The following SYCP2L variants were observed in gnomAD, a reference collection of about 807,000 sequenced individuals.
The protein encoded by SYCP2L is synaptonemal complex protein 2-like.
SYCP2L carries 98 observed loss-of-function variants against 125.8 expected under a neutral mutation model. That is an observed-to-expected ratio of 0.78 (90% CI 0.66 to 0.92). The LOEUF is 0.92. SYCP2L is among the 40% of genes least tolerant of loss of function. The probability of loss-of-function intolerance (pLI) is 0.00; values close to 1 mark genes in which losing one functional copy is unlikely to be tolerated. For missense variants in SYCP2L, 842 were observed against 936.4 expected, an observed-to-expected ratio of 0.90 and a Z score of 1.32; for synonymous variants, 317 against 325.4, an observed-to-expected ratio of 0.97 and a Z score of 0.28.
chr6:10,934,218 G>A (rs1474228463), intron 20 of SYCP2L, among the ~76,000 whole-genome samples: 1 of 152,134 alleles, frequency 6.6e-6, no homozygotes, highest in Non-Finnish European at 1.5e-5. Flanking sequence ...ACTATTATTT[G>A]CAAATGTCTT....
Position 10,910,248 on chromosome 6 carries a change from T to C in SYCP2L, c.872+48T>C, listed in dbSNP as rs1167924064. On this transcript the variant is annotated intron_variant, in intron 11 of 29. Coordinates refer to ENST00000283141, the MANE Select transcript of SYCP2L (RefSeq NM_001040274.3). Reference sequence around the variant, plus strand: ...ATTGACTAGTTGTATTCTGAAAATGTCTAATATTTTAAAAGAACAGTTTAG... The same window carrying C: ...ATTGACTAGTTGTATTCTGAAAATGCCTAATATTTTAAAAGAACAGTTTAG... 5 of 1,539,230 alleles carry C rather than the reference T, an allele frequency of 3.2e-6. No homozygotes were observed. The African/African-American group carries it at 4.1e-5, about 13-fold the overall frequency.
At chr6:10,938,603 A>T (rs1781150054) in intron 21 of SYCP2L, among the ~76,000 whole-genome samples, 2 of 152,236 alleles carry the variant, frequency 1.3e-5, no homozygotes, top group South Asian at 4.1e-4. Context: ...AAATAGGAAG[A>T]TGTTAAATTG....
Position 10,924,612 on chromosome 6 carries a change from T to A in SYCP2L, c.1189T>A (p.Ser397Thr). ...FDLQFNISQVSIQALGEDKQM... is the reference protein window; with the variant it reads ...FDLQFNISQVTIQALGEDKQM... Reference sequence around the variant, plus strand: ...TTTGCAGTTCAACATATCACAAGTTTCCATTCAAGCTTTAGGAGAAGACAA... The same window carrying A: ...TTTGCAGTTCAACATATCACAAGTTACCATTCAAGCTTTAGGAGAAGACAA... The change falls in exon 15 of 30, where the codon TCC becomes ACC. Residue 397 changes from serine to threonine, a missense_variant. Ser to Thr is a moderately conservative substitution (Grantham distance 58). Coordinates refer to ENST00000283141, the MANE Select transcript of SYCP2L (RefSeq NM_001040274.3). 1 of 1,590,588 alleles carries A rather than the reference T, an allele frequency of 6.3e-7. No homozygotes were observed. Among genetic ancestry groups the A allele is most frequent in the Non-Finnish European group, 8.5e-7 (1 of 1,173,130 alleles).
chr6:10,963,092 C>G (rs940191865), intron 28 of SYCP2L, among the ~76,000 whole-genome samples: 5 of 152,228 alleles, frequency 3.3e-5, no homozygotes, highest in Admixed American at 2.0e-4. Context: ...TTAGGCAACT[C>G]TCTCTTCAAA....
chr6:10,968,312 A>C (rs1258332347), intron 29 of SYCP2L, among the ~76,000 whole-genome samples: 3 of 152,238 alleles, frequency 2.0e-5, no homozygotes, highest in Non-Finnish European at 4.4e-5. Flanking sequence ...CGGATGCTTC[A>C]TGACAGTGTT....
At chr6:10,923,665 T>G (rs1780841475) in intron 14 of SYCP2L, among the ~76,000 whole-genome samples, 1 of 124,214 alleles carries the variant, frequency 8.1e-6, no homozygotes, top group African/African-American at 2.9e-5. Context: ...AGACGCAGAC[T>G]TCTTTCTTTT....
intron 23 of SYCP2L, among the ~76,000 whole-genome samples, chr6:10,952,931 A>G (rs1781437218): frequency 6.6e-6 from 1 of 152,200 alleles, no homozygotes; most frequent in Non-Finnish European, 1.5e-5. Context: ...CTCCTATAAG[A>G]TGCCTCTCAC....
rs1002009103 is a variant in SYCP2L, at chr6:10,930,246, A to G, written c.1489-124A>G. On this transcript the variant is annotated intron_variant, in intron 18 of 29. Coordinates refer to ENST00000283141, the MANE Select transcript of SYCP2L (RefSeq NM_001040274.3). ...CCATACTTCTTTGCTTTTATATTAT[A>G]TAAGAGAGCCCAGTCTTCTAGAAGG... 3 of 970,062 alleles carry G rather than the reference A, an allele frequency of 3.1e-6. No homozygotes were observed. The East Asian group carries it at 7.9e-5, about 25-fold the overall frequency. The allele number at this position is 970,062 out of a possible 1,614,324, so 60.1% of individuals were successfully genotyped here.
At chr6:10,939,112 T>C (rs1781165757) in intron 21 of SYCP2L, among the ~76,000 whole-genome samples, 1 of 148,470 alleles carries the variant, frequency 6.7e-6, no homozygotes, top group African/African-American at 2.5e-5. Flanking sequence ...ACAACGAGAC[T>C]CCATCTCAAA....
chr6:10,907,093 C>T lies in SYCP2L; in HGVS notation c.677-449C>T, dbSNP rs9461303. Among the ~76,000 whole-genome samples the T allele has an allele frequency of 6.4e-3, 972 of 151,944 alleles. 4 individuals carry two copies. Among genetic ancestry groups the T allele is most frequent in the African/African-American group, 0.022 (910 of 41,444 alleles). The stretch of plus-strand genomic sequence containing the variant: ...GCATGGTGGCTCATGCCTACAATTC[C>T]GGCACTTTGGGAGGCCGAGGTGGGC... On this transcript the variant is annotated intron_variant, in intron 9 of 29. Transcript: ENST00000283141.
Position 10,897,991 on chromosome 6 carries a change from G to T in SYCP2L, c.337-20G>T. ...GCAGCATTTAGTCTTATGTAGTTAC[G>T]TTAGTGTCCTCCTGTGTACCTAGTT... On this transcript the variant is annotated intron_variant, in intron 4 of 29. Coordinates refer to ENST00000283141, the MANE Select transcript of SYCP2L (RefSeq NM_001040274.3). 6.5e-7 allele frequency: 1 copy of T among 1,543,308 alleles called. No homozygotes were observed. The highest frequency in any genetic ancestry group is 9.0e-7 in the Non-Finnish European group (1 of 1,115,784).
At chr6:10,953,011 T>A (rs1007323) in intron 23 of SYCP2L, among the ~76,000 whole-genome samples, 2 of 152,016 alleles carry the variant, frequency 1.3e-5, no homozygotes, top group Non-Finnish European at 2.9e-5. Context: ...TGGCTGTTTC[T>A]TTTCTAAGTT....
chr6:10,946,076 A>G (rs1018870368), intron 23 of SYCP2L, among the ~76,000 whole-genome samples: 3 of 152,146 alleles, frequency 2.0e-5, no homozygotes, highest in Non-Finnish European at 2.9e-5. Flanking sequence ...TAACTGGAGT[A>G]TTTAGTCCAT....
rs1329337072 is a variant in SYCP2L, at chr6:10,927,428, C to T, written c.1440+61C>T. 11 of 1,408,490 alleles carry T rather than the reference C, an allele frequency of 7.8e-6. No individual in the cohort carries two copies. In the African/African-American group the frequency reaches 1.3e-4, roughly 17 times the overall value. 87.2% of individuals were successfully genotyped at this position (1,408,490 alleles called of 1,614,324 possible). On this transcript the variant is annotated intron_variant, in intron 17 of 29. Coordinates refer to ENST00000283141, the MANE Select transcript of SYCP2L (RefSeq NM_001040274.3). Reference sequence around the variant, plus strand: ...GGTTGAGAAATAAAGGGACGGACTACAAAAGAGAGAAATTTTAAAGTTGGG... The same window carrying T: ...GGTTGAGAAATAAAGGGACGGACTATAAAAGAGAGAAATTTTAAAGTTGGG...
Position 10,912,686 on chromosome 6 carries a change from C to T in SYCP2L, c.932C>T (p.Ala311Val), listed in dbSNP as rs202082900. 4.5e-5 allele frequency: 73 copies of T among 1,612,500 alleles called. No individual in the cohort carries two copies. The highest frequency in any genetic ancestry group is 3.3e-5 in the South Asian group (3 of 91,012). Residue 311 changes from alanine to valine, a missense_variant, in exon 13 of 30, where the codon GCG becomes GTG. By Grantham distance (64) the Ala-to-Val change is moderately conservative (BLOSUM62 0). Coordinates refer to ENST00000283141, the MANE Select transcript of SYCP2L (RefSeq NM_001040274.3). The surrounding 1 kb of genome is among the most constrained non-coding windows in gnomAD (Gnocchi z 4.1). ...FADEHEMRKP[A>V]DEKLEKFWID... ...GATCTCTTACAGATGAGAAAACCAG[C>T]GGATGAAAAATTAGAGAAATTTTGG...
Position 10,942,434 on chromosome 6 carries a change from C to T in SYCP2L, c.1814-25C>T, listed in dbSNP as rs760497660. 7 of 1,502,648 alleles carry T rather than the reference C, an allele frequency of 4.7e-6. No homozygotes were observed. In the East Asian group the frequency reaches 1.4e-4, roughly 30 times the overall value. The allele number at this position is 1,502,648 out of a possible 1,614,324, so 93.1% of individuals were successfully genotyped here. A position where few individuals can be genotyped will look rare whatever the true frequency, so the allele number is the denominator to read the frequency against. ...TGCTTTGTTACTTGGCGTGTATTCACTTGAAACTTCTCTCTAATGCTCAGA... is the reference window on the plus strand; with the variant it reads ...TGCTTTGTTACTTGGCGTGTATTCATTTGAAACTTCTCTCTAATGCTCAGA... On this transcript the variant is annotated intron_variant, in intron 21 of 29. Transcript: ENST00000283141.
At chr6:10,887,167 G>T in intron 1 of SYCP2L, 32 bp downstream of exon 1, 1 of 1,614,008 alleles carries the variant, frequency 6.2e-7, no homozygotes, top group East Asian at 2.2e-5. Flanking sequence ...CGGACCTTCT[G>T]TCCACAGTGC....
rs770388059 is a variant in SYCP2L at position 10,900,509 on chromosome 6, C to T, written c.466+1661C>T. 7.0e-4 allele frequency among the ~76,000 whole-genome samples: 107 copies of T among 152,220 alleles called. 2 individuals are homozygous for T. The highest frequency in any genetic ancestry group is 2.1e-4 in the South Asian group (1 of 4,826). ...CTAGCATTACAAGCGTGTGCCACCACGCCTGGCTAATTTTTGTATTTTTAG... is the reference window on the plus strand; with the variant it reads ...CTAGCATTACAAGCGTGTGCCACCATGCCTGGCTAATTTTTGTATTTTTAG... On this transcript the variant is annotated intron_variant, in intron 6 of 29. Transcript: ENST00000283141.
At chr6:10,895,784 G>A (rs1780248624) in intron 4 of SYCP2L, among the ~76,000 whole-genome samples, 1 of 151,972 alleles carries the variant, frequency 6.6e-6, no homozygotes, top group East Asian at 1.9e-4. Context: ...TCCCGCGCCT[G>A]GCCAACTCTA....
Sources: allele counts gnomAD v4.1 joint callset (sites outside exome capture counted in the v4.1 genomes callset), GRCh38; gene constraint gnomAD v4.1.1; non-coding constraint Gnocchi (gnomAD v3.1); transcripts MANE v1.5; gene names NCBI Gene and HGNC (gene_info 2026-07-23, HGNC 2026-07-21).